The following CAMTA1 variants were observed in gnomAD, a reference collection of about 807,000 sequenced individuals.
The protein encoded by CAMTA1 is calmodulin-binding transcription activator 1.
A neutral mutation model predicts 170.9 loss-of-function variants in CAMTA1; 27 were observed. That is an observed-to-expected ratio of 0.16 (90% confidence interval 0.12 to 0.22). The LOEUF (loss-of-function observed/expected upper bound fraction) is 0.22. Among genes scored for constraint, CAMTA1 ranks in the 10% least tolerant of loss-of-function variants. CAMTA1 has a pLI of 1.00. For synonymous variants in CAMTA1, 833 were observed against 891.5 expected, an observed-to-expected ratio of 0.93 and a Z score of 1.17; for missense variants, 1,619 against 2,217.2, an observed-to-expected ratio of 0.73 and a Z score of 5.42.
intron 4 of CAMTA1, among the ~76,000 whole-genome samples, chr1:7,245,682 A>G (rs1665649493): frequency 6.6e-6 from 1 of 151,824 alleles, no homozygotes; most frequent in Non-Finnish European, 1.5e-5. Flanking sequence ...TTGTCCCCGT[A>G]TTTTTCTTGA....
At chr1:7,073,879 A>G (rs1339487877) in intron 3 of CAMTA1, among the ~76,000 whole-genome samples, 2 of 152,206 alleles carry the variant, frequency 1.3e-5, no homozygotes, top group Non-Finnish European at 2.9e-5. Context: ...ATGGAATAGT[A>G]ACGTTTCTTA....
Position 7,475,343 on chromosome 1 carries a change from G to C in CAMTA1, c.510+7442G>C, listed in dbSNP as rs528508255. 2.0e-5 allele frequency among the ~76,000 whole-genome samples: 3 copies of C among 152,258 alleles called. No individual in the cohort carries two copies. In the South Asian group the frequency reaches 6.2e-4, roughly 32 times the overall value. On this transcript the variant is annotated intron_variant, in intron 6 of 22. Coordinates refer to ENST00000303635, the MANE Select transcript of CAMTA1 (RefSeq NM_015215.4). ...CTCCCACCAAATGAGGCTTGGCGGG[G>C]GGGATTAGAGCAACAGGAGGCCTTG...
At chr1:7,156,964 C>T (rs1309944539) in intron 4 of CAMTA1, among the ~76,000 whole-genome samples, 2 of 152,172 alleles carry the variant, frequency 1.3e-5, no homozygotes, top group African/African-American at 2.4e-5. Context: ...TTCCCAATCA[C>T]CTCTCTGTTC....
At chr1:7,316,853 T>C (rs1472255913) in intron 5 of CAMTA1, among the ~76,000 whole-genome samples, 1 of 152,132 alleles carries the variant, frequency 6.6e-6, no homozygotes, top group African/African-American at 2.4e-5. Context: ...GCTTTTGAGC[T>C]GAAACTTGAG....
chr1:7,153,696 G>A (rs1192713816), intron 4 of CAMTA1, among the ~76,000 whole-genome samples: 1 of 152,164 alleles, frequency 6.6e-6, no homozygotes. Context: ...TGATCTGGTG[G>A]GCGGGGACAT....
chr1:7,302,836 G>A (rs899884381), intron 5 of CAMTA1, among the ~76,000 whole-genome samples: 3 of 152,202 alleles, frequency 2.0e-5, no homozygotes, highest in Non-Finnish European at 4.4e-5. Flanking sequence ...CACCCACCAT[G>A]TTTCAGACCT....
intron 3 of CAMTA1, among the ~76,000 whole-genome samples, chr1:7,084,319 G>A (rs995583740): frequency 6.6e-6 from 1 of 152,178 alleles, no homozygotes; most frequent in African/African-American, 2.4e-5. Context: ...ACCTATGGGG[G>A]ACTCTGCTTT....
chr1:7,193,811 G>T (rs115524819), intron 4 of CAMTA1, among the ~76,000 whole-genome samples: 1 of 152,182 alleles, frequency 6.6e-6, no homozygotes, highest in African/African-American at 2.4e-5. Flanking sequence ...CTTCTCCTCC[G>T]AGTGCTCCTT....
intron 1 of CAMTA1, among the ~76,000 whole-genome samples, chr1:6,804,828 T>A (rs896449471): frequency 6.6e-6 from 1 of 152,220 alleles, no homozygotes; most frequent in African/African-American, 2.4e-5. Flanking sequence ...GTGCTGGGAT[T>A]ACAGGTGTAA....
rs74052679 is a variant in CAMTA1 at position 7,334,886 on chromosome 1, T to A, written c.438+85260T>A. Among the ~76,000 whole-genome samples the A allele has an allele frequency of 9.0e-3, 1,370 of 152,222 alleles. 16 individuals are homozygous for A. The highest frequency in any genetic ancestry group is 0.031 in the African/African-American group (1,308 of 41,526). ...CATCAGTAATTCTTATCACCTGGCATCTGGAGTGCGGGAAAGCTCCCTTCC... is the reference window on the plus strand; with the variant it reads ...CATCAGTAATTCTTATCACCTGGCAACTGGAGTGCGGGAAAGCTCCCTTCC... On this transcript the variant is annotated intron_variant, in intron 5 of 22. Coordinates refer to ENST00000303635, the MANE Select transcript of CAMTA1 (RefSeq NM_015215.4).
chr1:6,889,542 C>T (rs1465667868), intron 3 of CAMTA1, among the ~76,000 whole-genome samples: 3 of 152,206 alleles, frequency 2.0e-5, no homozygotes, highest in Non-Finnish European at 4.4e-5. Context: ...AGTGCGCACT[C>T]GTCAGTGTCT....
intron 10 of CAMTA1, among the ~76,000 whole-genome samples, chr1:7,672,810 T>C (rs559064521): frequency 1.4e-3 from 209 of 152,058 alleles, no homozygotes; most frequent in Middle Eastern, 0.014. Flanking sequence ...CCCAGCACCA[T>C]CTTCCCCAAA....
At chr1:7,047,709 C>A (rs1705617123) in intron 3 of CAMTA1, among the ~76,000 whole-genome samples, 1 of 149,240 alleles carries the variant, frequency 6.7e-6, no homozygotes, top group Admixed American at 6.6e-5. Flanking sequence ...GGCTTTCTCT[C>A]TCTCTCTCTC....
chr1:7,351,102 T>G (rs2084635857), intron 5 of CAMTA1, among the ~76,000 whole-genome samples: 1 of 152,188 alleles, frequency 6.6e-6, no homozygotes, highest in African/African-American at 2.4e-5. Flanking sequence ...GTAGGAAACC[T>G]AGGAATTGTG....
At chr1:7,161,102 A>G (rs769667050) in intron 4 of CAMTA1, among the ~76,000 whole-genome samples, 1 of 152,078 alleles carries the variant, frequency 6.6e-6, no homozygotes, top group African/African-American at 2.4e-5. Flanking sequence ...TGTGTATGTC[A>G]TTCCAATACT....
At chr1:7,132,195 A>G (rs554711289) in intron 4 of CAMTA1, among the ~76,000 whole-genome samples, 1 of 152,372 alleles carries the variant, frequency 6.6e-6, no homozygotes, top group South Asian at 2.1e-4. Flanking sequence ...CAAGCCTGAT[A>G]GGATTTTAAT....
At position 7,666,373 on chromosome 1, in the gene CAMTA1, G is replaced by A. The variant is rs574229935; in HGVS notation, c.2652+1174G>A. 2.0e-5 allele frequency among the ~76,000 whole-genome samples: 3 copies of A among 152,104 alleles called. No homozygotes were observed. In the South Asian group the frequency reaches 6.2e-4, roughly 32 times the overall value. ...ATTCCACACAGGTCATAGGACGCAG[G>A]ATTCCAACGTGCACCCTCCCCCAGC... On this transcript the variant is annotated intron_variant, in intron 9 of 22. Coordinates refer to ENST00000303635, the MANE Select transcript of CAMTA1 (RefSeq NM_015215.4).
At position 7,664,936 on chromosome 1, in the gene CAMTA1, T is replaced by A. The variant is rs1344964222; in HGVS notation, c.2389T>A (p.Ser797Thr). Reference protein sequence around the residue: ...SSTIYGHQLVSGDSTALSQSE... With the variant: ...SSTIYGHQLVTGDSTALSQSE... ...CACCATCTATGGGCACCAGCTGGTG[T>A]CGGGGGACAGCACGGCGCTCTCACA... The change falls in exon 9 of 23, where the codon TCG becomes ACG. Residue 797 changes from serine (S) to threonine (T), a missense_variant. Coordinates refer to ENST00000303635, the MANE Select transcript of CAMTA1 (RefSeq NM_015215.4). 1 of 1,613,014 alleles carries A rather than the reference T, an allele frequency of 6.2e-7. No homozygotes were observed. The highest frequency in any genetic ancestry group is 1.1e-5 in the South Asian group (1 of 91,086).
At chr1:7,638,505 G>A (rs1404242347) in intron 6 of CAMTA1, among the ~76,000 whole-genome samples, 2 of 152,106 alleles carry the variant, frequency 1.3e-5, no homozygotes, top group Admixed American at 1.3e-4. Context: ...GCCGGGCTGT[G>A]GTGGCGTGCA....
Sources: allele counts gnomAD v4.1 joint callset (sites outside exome capture counted in the v4.1 genomes callset), GRCh38; gene constraint gnomAD v4.1.1; transcripts MANE v1.5; gene names NCBI Gene and HGNC (gene_info 2026-07-23, HGNC 2026-07-21).